The following INVS variants were observed in gnomAD, a reference collection of about 807,000 sequenced individuals.
The protein encoded by INVS is inversin.
Under a neutral mutation model 108.8 loss-of-function variants are expected in INVS, and 86 were observed. That is an observed-to-expected ratio of 0.79 (90% confidence interval 0.66 to 0.95). The LOEUF is 0.95. INVS is among the 40% of genes least tolerant of loss of function. INVS has a pLI of 0.00. For missense variants in INVS, 1,169 were observed against 1,297.4 expected (o/e 0.90, Z 1.52); for synonymous variants, 455 against 473.5 (o/e 0.96, Z 0.51).
At chr9:100,258,604 T>A (rs1036141401) in intron 10 of INVS, among the ~76,000 whole-genome samples, 1 of 152,214 alleles carries the variant, frequency 6.6e-6, no homozygotes, top group Non-Finnish European at 1.5e-5. Context: ...TTGGTGTGGA[T>A]GTCCTTTCTG....
intron 7 of INVS, among the ~76,000 whole-genome samples, chr9:100,243,615 C>G (rs1246901856): frequency 6.6e-6 from 1 of 152,102 alleles, no homozygotes; most frequent in African/African-American, 2.4e-5. Flanking sequence ...TATGAATGAC[C>G]ATCAAGAACC....
chr9:100,227,991 C>CT (rs33912012), intron 4 of INVS, among the ~76,000 whole-genome samples: 1,718 of 133,398 alleles, frequency 0.013, 33 homozygotes, highest in Middle Eastern at 0.023. Flanking sequence ...TTCTTTCTTT[C>CT]TTTTTTTTTT....
chr9:100,241,187 G>A (rs192879408), intron 6 of INVS, among the ~76,000 whole-genome samples: 4 of 151,476 alleles, frequency 2.6e-5, no homozygotes, highest in Admixed American at 6.6e-5. Flanking sequence ...CACTTTTATC[G>A]CCAGATTTAG....
At chr9:100,203,555 T>G (rs1451837302) in intron 3 of INVS, among the ~76,000 whole-genome samples, 2 of 141,688 alleles carry the variant, frequency 1.4e-5, no homozygotes, top group Non-Finnish European at 3.0e-5. Flanking sequence ...TAGGCTGGAG[T>G]GCAGTGGCAT....
intron 13 of INVS, 39 bp from the exon 14 acceptor site, chr9:100,292,287 T>C: frequency 1.3e-6 from 2 of 1,552,530 alleles, no homozygotes; most frequent in East Asian, 4.5e-5. Context: ...TATCCTACTC[T>C]GCAAGTTTTG....
intron 3 of INVS, among the ~76,000 whole-genome samples, chr9:100,177,416 C>T (rs1411340810): frequency 1.3e-5 from 2 of 152,202 alleles, no homozygotes; most frequent in Non-Finnish European, 2.9e-5. Flanking sequence ...TGAAGTCGAC[C>T]TGGGACACTC....
chr9:100,138,463 C>T (rs945900153), intron 3 of INVS, among the ~76,000 whole-genome samples: 2 of 151,866 alleles, frequency 1.3e-5, no homozygotes, highest in Admixed American at 1.3e-4. Context: ...AGAGCAACAT[C>T]TTTTTATTCT....
At chr9:100,157,524 C>A (rs1430210389) in intron 3 of INVS, among the ~76,000 whole-genome samples, 2 of 152,006 alleles carry the variant, frequency 1.3e-5, no homozygotes, top group African/African-American at 4.8e-5. Context: ...CCTCGGCCTC[C>A]CAAAGTGCTG....
At chr9:100,217,063 C>T (rs1387253757) in intron 3 of INVS, among the ~76,000 whole-genome samples, 4 of 152,094 alleles carry the variant, frequency 2.6e-5, no homozygotes, top group Non-Finnish European at 4.4e-5. Flanking sequence ...AATCCCAGAA[C>T]GTTGAGAGGC....
At chr9:100,297,218 T>A in intron 15 of INVS, 72 bp downstream of exon 15, 1 of 1,147,796 alleles carries the variant, frequency 8.7e-7, no homozygotes, top group Non-Finnish European at 1.3e-6. Flanking sequence ...TGAAGTAGAA[T>A]TTAATTACAT....
intron 3 of INVS, among the ~76,000 whole-genome samples, chr9:100,203,735 T>C (rs1830597383): frequency 6.6e-6 from 1 of 152,062 alleles, no homozygotes; most frequent in Non-Finnish European, 1.5e-5. Context: ...ACTCCTGACC[T>C]CAGGTGATCC....
intron 3 of INVS, among the ~76,000 whole-genome samples, chr9:100,195,570 C>T (rs1830349128): frequency 1.3e-5 from 2 of 152,120 alleles, no homozygotes; most frequent in African/African-American, 2.4e-5. Flanking sequence ...TCACTGCAGC[C>T]TCCACCTTCC....
chr9:100,221,578 G>C (rs1333656844), intron 3 of INVS, among the ~76,000 whole-genome samples: 1 of 130,894 alleles, frequency 7.6e-6, no homozygotes, highest in Admixed American at 7.2e-5. Flanking sequence ...TTTGAAATAG[G>C]AGATGCTGGC....
chr9:100,279,673 A>C (rs1833219313), intron 12 of INVS, among the ~76,000 whole-genome samples: 1 of 152,192 alleles, frequency 6.6e-6, no homozygotes. Flanking sequence ...AGCTGGGTTA[A>C]ATCAGTATGA....
intron 3 of INVS, among the ~76,000 whole-genome samples, chr9:100,186,229 A>T (rs1420462063): frequency 6.6e-6 from 1 of 151,622 alleles, no homozygotes; most frequent in African/African-American, 2.4e-5. Context: ...AGCTCACTGC[A>T]TCCTTCACCT....
intron 16 of INVS, among the ~76,000 whole-genome samples, chr9:100,299,341 T>C (rs1025019323): frequency 6.6e-6 from 1 of 152,122 alleles, no homozygotes; most frequent in African/African-American, 2.4e-5. Flanking sequence ...CCCTCCAACT[T>C]GGAGAACCCC....
In INVS at chr9:100,164,135, G is replaced by A. The variant is rs145688878; in HGVS notation, c.273+37586G>A. On this transcript the variant is annotated intron_variant, in intron 3 of 16. Transcript: ENST00000262457. The stretch of plus-strand genomic sequence containing the variant: ...TTGTTTATTTTAATTGACAAAAATT[G>A]TATATATTTATGTGTACAACATGAT... Among the ~76,000 whole-genome samples the A allele has an allele frequency of 4.6e-4, 70 of 152,198 alleles. No homozygotes were observed. The East Asian group carries it at 0.01, about 22-fold the overall frequency.
At chr9:100,143,203 G>A (rs1442936449) in intron 3 of INVS, among the ~76,000 whole-genome samples, 4 of 152,170 alleles carry the variant, frequency 2.6e-5, no homozygotes, top group Non-Finnish European at 4.4e-5. Context: ...ATAATGGGTT[G>A]TGGAGGGAGG....
intron 2 of INVS, among the ~76,000 whole-genome samples, chr9:100,119,226 A>G (rs536683340): frequency 1.4e-4 from 21 of 152,294 alleles, no homozygotes; most frequent in African/African-American, 4.6e-4. Context: ...TTTCATAACA[A>G]TTTTAAAACT....
Sources: allele counts gnomAD v4.1 joint callset (sites outside exome capture counted in the v4.1 genomes callset), GRCh38; gene constraint gnomAD v4.1.1; transcripts MANE v1.5; gene names NCBI Gene and HGNC (gene_info 2026-07-23, HGNC 2026-07-21).